The following WWOX variants were observed in gnomAD, a reference collection of about 807,000 sequenced individuals.
The protein encoded by WWOX is WW domain-containing oxidoreductase.
A neutral mutation model predicts 46.2 loss-of-function variants in WWOX; 69 were observed. The ratio of observed to expected loss-of-function variants is 1.49; its 90% CI spans 1.23 to 1.82. The LOEUF (loss-of-function observed/expected upper bound fraction) is 1.82, where lower values mean the gene tolerates loss of function less well. Among genes scored for constraint, WWOX ranks in the 40% most tolerant of loss-of-function variants. The pLI is 0.00. For missense variants in WWOX, 919 were observed against 542.6 expected, an observed-to-expected ratio of 1.69 and a Z score of -6.89; for synonymous variants, 359 against 202.6, an observed-to-expected ratio of 1.77 and a Z score of -6.56.
intron 5 of WWOX, among the ~76,000 whole-genome samples, chr16:78,217,699 C>G (rs1319156528): frequency 6.6e-6 from 1 of 152,002 alleles, no homozygotes; most frequent in African/African-American, 2.4e-5. Context: ...ACGTTAAAGG[C>G]AAGATTCATG....
intron 8 of WWOX, among the ~76,000 whole-genome samples, chr16:78,682,986 A>G (rs2047765362): frequency 6.6e-6 from 1 of 152,162 alleles, no homozygotes; most frequent in Non-Finnish European, 1.5e-5. Context: ...TAACACTTCT[A>G]AGATGTGAGA....
intron 5 of WWOX, among the ~76,000 whole-genome samples, chr16:78,386,210 C>T (rs998333168): frequency 2.0e-5 from 3 of 152,162 alleles, no homozygotes; most frequent in African/African-American, 7.2e-5. Flanking sequence ...AGATGGTATG[C>T]AAATGTCCAG....
At chr16:78,728,701 G>C (rs2048893486) in intron 8 of WWOX, among the ~76,000 whole-genome samples, 1 of 152,188 alleles carries the variant, frequency 6.6e-6, no homozygotes, top group Admixed American at 6.5e-5. Context: ...TACATGATCT[G>C]TATAGCCTTT....
intron 8 of WWOX, among the ~76,000 whole-genome samples, chr16:78,621,592 C>CTTTTCTTTTTTTTTTTTTTTTTTTTTTTT (rs2046184654): frequency 9.5e-5 from 3 of 31,512 alleles, no homozygotes; most frequent in African/African-American, 1.3e-4. Context: ...TTGTTCTAAT[C>CTTTTCTTTTTTTTTTTTTTTTTTTTTTTT]TTTTTTTTTT....
intron 8 of WWOX, among the ~76,000 whole-genome samples, chr16:79,105,492 C>G (rs868170807): frequency 2.0e-5 from 3 of 152,120 alleles, no homozygotes; most frequent in Admixed American, 2.0e-4. Context: ...ATATCTATAC[C>G]TATACCCATA....
At chr16:78,933,780 C>A (rs1192153999) in intron 8 of WWOX, among the ~76,000 whole-genome samples, 1 of 152,116 alleles carries the variant, frequency 6.6e-6, no homozygotes, top group Admixed American at 6.5e-5. Context: ...TGGGAAAATC[C>A]TGCACCCGTA....
intron 8 of WWOX, among the ~76,000 whole-genome samples, chr16:78,433,373 A>G (rs747384042): frequency 2.6e-5 from 4 of 152,178 alleles, no homozygotes; most frequent in Non-Finnish European, 5.9e-5. Flanking sequence ...TTTGGTGTTC[A>G]TTTATCGACC....
At chr16:78,135,113 C>A (rs1175309489) in intron 4 of WWOX, among the ~76,000 whole-genome samples, 2 of 152,178 alleles carry the variant, frequency 1.3e-5, no homozygotes, top group Non-Finnish European at 2.9e-5. Flanking sequence ...AAGATGGGGC[C>A]TTGCTGAGAA....
intron 8 of WWOX, among the ~76,000 whole-genome samples, chr16:78,764,125 C>G (rs879558962): frequency 2.6e-5 from 4 of 152,148 alleles, no homozygotes; most frequent in African/African-American, 9.7e-5. Context: ...AATCGTGTCA[C>G]CACTTTTGCC....
intron 5 of WWOX, among the ~76,000 whole-genome samples, chr16:78,210,436 T>G (rs550106498): frequency 6.6e-6 from 1 of 152,204 alleles, no homozygotes; most frequent in East Asian, 1.9e-4. Flanking sequence ...GCTGGTCTCT[T>G]TGGAAGGCAA....
chr16:78,260,013 G>A (rs181289117), intron 5 of WWOX, among the ~76,000 whole-genome samples: 9 of 151,292 alleles, frequency 5.9e-5, no homozygotes, highest in Admixed American at 3.9e-4. Flanking sequence ...CCTAGATCCC[G>A]TGCCTTCTGA....
chr16:79,044,547 G>A (rs1294978939), intron 8 of WWOX, among the ~76,000 whole-genome samples: 1 of 152,174 alleles, frequency 6.6e-6, no homozygotes, highest in Non-Finnish European at 1.5e-5. Context: ...TTCTCCTTCT[G>A]CCATGATTGT....
At chr16:78,785,744 A>G (rs764108898) in intron 8 of WWOX, among the ~76,000 whole-genome samples, 25 of 152,246 alleles carry the variant, frequency 1.6e-4, no homozygotes, top group Non-Finnish European at 2.4e-4. Context: ...GAAGTAAGGC[A>G]AAAACAAAAT....
At chr16:78,715,060 T>G (rs1452868344) in intron 8 of WWOX, among the ~76,000 whole-genome samples, 1 of 152,090 alleles carries the variant, frequency 6.6e-6, no homozygotes, top group Non-Finnish European at 1.5e-5. Flanking sequence ...GTGGGATGAT[T>G]GCTTGAGCCC....
intron 8 of WWOX, among the ~76,000 whole-genome samples, chr16:78,913,551 C>G (rs540521101): frequency 6.6e-6 from 1 of 152,142 alleles, no homozygotes; most frequent in Admixed American, 6.5e-5. Context: ...AGCAAAGTCA[C>G]TTGTCGATCA....
At chr16:78,259,926 T>G (rs1186132839) in intron 5 of WWOX, among the ~76,000 whole-genome samples, 2 of 151,378 alleles carry the variant, frequency 1.3e-5, no homozygotes, top group Non-Finnish European at 2.9e-5. Flanking sequence ...TGAGTTATTT[T>G]ATGATGATCT....
At chr16:79,035,773 A>T (rs1332438010) in intron 8 of WWOX, among the ~76,000 whole-genome samples, 2 of 151,234 alleles carry the variant, frequency 1.3e-5, no homozygotes, top group Non-Finnish European at 2.9e-5. Flanking sequence ...TCCTGATCTC[A>T]GGTGTTCCAA....
At chr16:78,163,044 T>G (rs2151734257) in intron 4 of WWOX, among the ~76,000 whole-genome samples, 1 of 152,350 alleles carries the variant, frequency 6.6e-6, no homozygotes, top group African/African-American at 2.4e-5. Context: ...TTTTAATCAC[T>G]GTTTCTGAAT....
intron 8 of WWOX, among the ~76,000 whole-genome samples, chr16:78,790,615 C>T (rs941183966): frequency 6.6e-6 from 1 of 152,174 alleles, no homozygotes; most frequent in South Asian, 2.1e-4. Flanking sequence ...TTCTCTCTGG[C>T]AGATTAATTT....
Sources: allele counts gnomAD v4.1 joint callset (sites outside exome capture counted in the v4.1 genomes callset), GRCh38; gene constraint gnomAD v4.1.1; transcripts MANE v1.5; gene names NCBI Gene and HGNC (gene_info 2026-07-23, HGNC 2026-07-21).